AFG1L: variants seen among roughly 807,000 people sequenced by gnomAD.
The protein encoded by AFG1L is AFG1 like ATPase.
AFG1L carries 53 observed loss-of-function variants against 62.2 expected under a neutral mutation model. The ratio of observed to expected loss-of-function variants is 0.85; its 90% CI spans 0.68 to 1.07. AFG1L has a LOEUF of 1.07. AFG1L is among the 50% of genes least tolerant of loss of function. The pLI is 0.00. For missense variants in AFG1L, 555 were observed against 590.5 expected (o/e 0.94, Z 0.62); for synonymous variants, 228 against 210.3 (o/e 1.08, Z -0.73).
intron 2 of AFG1L, among the ~76,000 whole-genome samples, chr6:108,341,182 A>T (rs1331046890): frequency 6.6e-6 from 1 of 152,252 alleles, no homozygotes; most frequent in Admixed American, 6.5e-5. Flanking sequence ...TTTATATATG[A>T]TTTTATTAAA....
intron 6 of AFG1L, among the ~76,000 whole-genome samples, chr6:108,384,781 TATAAA>T (rs1489284915): frequency 6.6e-6 from 1 of 151,652 alleles, no homozygotes; most frequent in East Asian, 1.9e-4. Context: ...ATTCTAGAAC[TATAAA>T]ATATAATATC....
chr6:108,336,384 G>T (rs866322614), intron 2 of AFG1L, among the ~76,000 whole-genome samples: 1 of 152,188 alleles, frequency 6.6e-6, no homozygotes, highest in Non-Finnish European at 1.5e-5. Flanking sequence ...AATTGTCCTA[G>T]TGGAAATGAT....
At chr6:108,324,599 C>G (rs1165509594) in intron 2 of AFG1L, among the ~76,000 whole-genome samples, 2 of 152,140 alleles carry the variant, frequency 1.3e-5, no homozygotes, top group Non-Finnish European at 2.9e-5. Flanking sequence ...TGACTAACCT[C>G]TTATGACTCT....
At chr6:108,339,058 G>A (rs1480261411) in intron 2 of AFG1L, among the ~76,000 whole-genome samples, 1 of 151,970 alleles carries the variant, frequency 6.6e-6, no homozygotes, top group Non-Finnish European at 1.5e-5. Context: ...CTCTTGTATT[G>A]TGAATGAGAG....
chr6:108,432,147 T>C (rs1771104254), intron 7 of AFG1L, among the ~76,000 whole-genome samples: 1 of 151,950 alleles, frequency 6.6e-6, no homozygotes, highest in Non-Finnish European at 1.5e-5. Flanking sequence ...ATGTTCCAAA[T>C]CATAGTGGTC....
intron 8 of AFG1L, among the ~76,000 whole-genome samples, chr6:108,448,735 A>G (rs1420751580): frequency 1.3e-5 from 2 of 152,122 alleles, no homozygotes; most frequent in Admixed American, 1.3e-4. Context: ...AACCCAGTGA[A>G]GTTCAGTTTT....
chr6:108,477,171 T>G, intron 9 of AFG1L, 21 bp from the exon 10 acceptor site: 1 of 1,471,232 alleles, frequency 6.8e-7, no homozygotes, highest in Non-Finnish European at 9.4e-7. Context: ...CAAGATTGAG[T>G]CTTTGTTCAT....
intron 1 of AFG1L, among the ~76,000 whole-genome samples, chr6:108,320,138 A>G (rs1404891182): frequency 6.6e-6 from 1 of 152,200 alleles, no homozygotes; most frequent in African/African-American, 2.4e-5. Context: ...TCACATTTGG[A>G]TTTTAGTAAG....
At chr6:108,409,813 A>C (rs1298930) in intron 7 of AFG1L, among the ~76,000 whole-genome samples, 84 of 152,322 alleles carry the variant, frequency 5.5e-4, no homozygotes, top group Admixed American at 9.8e-4. Flanking sequence ...GAATAATCAG[A>C]CATGAAAACT....
intron 10 of AFG1L, among the ~76,000 whole-genome samples, chr6:108,509,989 T>C (rs1417581061): frequency 2.0e-5 from 3 of 152,206 alleles, no homozygotes; most frequent in Admixed American, 2.0e-4. Flanking sequence ...TCGTTATGCA[T>C]GGATGTGATT....
chr6:108,363,919 C>G (rs1779643591), intron 5 of AFG1L, among the ~76,000 whole-genome samples: 1 of 152,092 alleles, frequency 6.6e-6, no homozygotes, highest in East Asian at 1.9e-4. Context: ...GGCACTGTAC[C>G]AATCAGTGGA....
chr6:108,310,262 A>C (rs185301508), intron 1 of AFG1L, among the ~76,000 whole-genome samples: 61 of 152,320 alleles, frequency 4.0e-4, no homozygotes, highest in African/African-American at 1.4e-3. Context: ...ATTTCTCTGC[A>C]TCTTCTCTAA....
intron 10 of AFG1L, among the ~76,000 whole-genome samples, chr6:108,507,029 G>GA (rs1303966540): frequency 6.6e-6 from 1 of 151,866 alleles, no homozygotes; most frequent in Non-Finnish European, 1.5e-5. Context: ...TTTTTGGGGG[G>GA]AAAAAACTTC....
chr6:108,501,183 TG>T (rs1383891251), intron 10 of AFG1L, among the ~76,000 whole-genome samples: 3 of 152,052 alleles, frequency 2.0e-5, no homozygotes, highest in African/African-American at 7.2e-5. Flanking sequence ...TTAGCAGAGA[TG>T]GGGTTTCACC....
chr6:108,349,196 G>A (rs1035705240), intron 3 of AFG1L, among the ~76,000 whole-genome samples: 3 of 152,042 alleles, frequency 2.0e-5, no homozygotes, highest in Non-Finnish European at 4.4e-5. Context: ...TATAAAATAT[G>A]TAATCGGCCA....
chr6:108,395,574 CTATTTTTTG>C (rs1446440001), intron 6 of AFG1L, among the ~76,000 whole-genome samples: 1 of 151,496 alleles, frequency 6.6e-6, no homozygotes, highest in African/African-American at 2.4e-5. Flanking sequence ...GCTAATTTTT[CTATTTTTTG>C]TACAGACAGA....
Position 108,519,924 on chromosome 6 carries a change from C to T in AFG1L, c.1317+114C>T, listed in dbSNP as rs1775059122. 1.4e-5 allele frequency: 8 copies of T among 569,862 alleles called. 1 individual carries two copies. Among genetic ancestry groups the T allele is most frequent in the East Asian group, 3.0e-5 (1 of 33,508 alleles). The allele number at this position is 569,862 out of a possible 1,614,324, so 35.3% of individuals were successfully genotyped here. A position where few individuals can be genotyped will look rare whatever the true frequency, so the allele number is the denominator to read the frequency against. On this transcript the variant is annotated intron_variant, in intron 12 of 12. Transcript: ENST00000368977. The stretch of plus-strand genomic sequence containing the variant: ...CAGTGTATAGTTAACCATTGATTGG[C>T]GCTTCTTCTATAAGCCCATGTAGCA...
intron 2 of AFG1L, among the ~76,000 whole-genome samples, chr6:108,334,991 C>A (rs1778423194): frequency 6.6e-6 from 1 of 151,526 alleles, no homozygotes; most frequent in African/African-American, 2.4e-5. Context: ...TATTGTATTT[C>A]TTTCTTTCTT....
At chr6:108,349,021 G>A (rs186996936) in intron 3 of AFG1L, among the ~76,000 whole-genome samples, 311 of 152,294 alleles carry the variant, frequency 2.0e-3, no homozygotes, top group African/African-American at 7.2e-3. Flanking sequence ...GTGTTTGAAA[G>A]CAATAGAAAA....
Sources: gnomAD v4.1 joint callset for allele counts (sites outside exome capture counted in the v4.1 genomes callset) on GRCh38, gnomAD v4.1.1 for gene constraint, MANE v1.5 for transcripts, NCBI Gene and HGNC (gene_info 2026-07-23, HGNC 2026-07-21) for gene names.